The following PARD3B variants were observed in gnomAD, a reference collection of about 807,000 sequenced individuals.
PARD3B encodes the protein partitioning defective 3 homolog B.
A neutral mutation model predicts 130.2 loss-of-function variants in PARD3B; 103 were observed. The ratio of observed to expected loss-of-function variants is 0.79; its 90% confidence interval spans 0.67 to 0.93. The LOEUF is 0.93. PARD3B is among the 40% of genes least tolerant of loss of function. PARD3B has a pLI of 0.00. For missense variants in PARD3B, 1,609 were observed against 1,499.2 expected, an observed-to-expected ratio of 1.07 and a Z score of -1.21; for synonymous variants, 583 against 553.2, an observed-to-expected ratio of 1.05 and a Z score of -0.76.
chr2:205,012,954 C>A (rs1016634784), intron 3 of PARD3B, among the ~76,000 whole-genome samples: 1 of 152,168 alleles, frequency 6.6e-6, no homozygotes, highest in African/African-American at 2.4e-5. Context: ...AAACGAGTAA[C>A]CTTTAACTTA....
At chr2:205,559,865 C>G (rs2053065162) in intron 22 of PARD3B, among the ~76,000 whole-genome samples, 1 of 152,130 alleles carries the variant, frequency 6.6e-6, no homozygotes, top group Non-Finnish European at 1.5e-5. Flanking sequence ...TCCCAAAGTG[C>G]TAGGATTACA....
intron 21 of PARD3B, among the ~76,000 whole-genome samples, chr2:205,542,744 C>G (rs1360548775): frequency 6.6e-6 from 1 of 152,150 alleles, no homozygotes; most frequent in African/African-American, 2.4e-5. Context: ...TTATAGGAAT[C>G]TTTCCTCACG....
At chr2:205,046,049 C>A (rs897609515) in intron 3 of PARD3B, among the ~76,000 whole-genome samples, 88 of 152,016 alleles carry the variant, frequency 5.8e-4, no homozygotes, top group African/African-American at 2.1e-3. Context: ...GCCCCATTTT[C>A]TTAATTTTAA....
intron 22 of PARD3B, among the ~76,000 whole-genome samples, chr2:205,570,553 G>C (rs1021354050): frequency 7.2e-5 from 11 of 152,198 alleles, no homozygotes; most frequent in African/African-American, 2.2e-4. Context: ...ACACAGCACA[G>C]TGTGTATATA....
intron 3 of PARD3B, among the ~76,000 whole-genome samples, chr2:204,997,636 G>A (rs538625984): frequency 6.6e-6 from 1 of 151,450 alleles, no homozygotes; most frequent in Admixed American, 6.6e-5. Flanking sequence ...CTCTTTTAGG[G>A]GTTTTACACA....
intron 6 of PARD3B, among the ~76,000 whole-genome samples, chr2:205,114,969 C>T (rs1217051154): frequency 6.6e-6 from 1 of 152,056 alleles, no homozygotes; most frequent in Non-Finnish European, 1.5e-5. Flanking sequence ...ATGAGAAATT[C>T]TAATGACTTT....
chr2:205,255,453 T>C (rs554571737), intron 16 of PARD3B, among the ~76,000 whole-genome samples: 14 of 152,222 alleles, frequency 9.2e-5, no homozygotes, highest in Admixed American at 3.9e-4. Flanking sequence ...CAACTCGGTG[T>C]CCTATAATTC....
At chr2:205,408,871 G>A (rs900938024) in intron 19 of PARD3B, among the ~76,000 whole-genome samples, 10 of 152,060 alleles carry the variant, frequency 6.6e-5, no homozygotes, top group Non-Finnish European at 7.4e-5. Context: ...ATGATTCCCA[G>A]TTTTAATAGT....
chr2:204,917,720 A>G (rs1575300429), intron 2 of PARD3B, among the ~76,000 whole-genome samples: 1 of 152,228 alleles, frequency 6.6e-6, no homozygotes. Flanking sequence ...AGTGTAGCCA[A>G]CGACAAGTAT....
rs754109863 is a variant in PARD3B, at chr2:205,292,794, T to C, written c.2186-7736T>C. Among the ~76,000 whole-genome samples the C allele has an allele frequency of 6.6e-6, 1 of 152,204 alleles. No individual in the cohort carries two copies. The highest frequency in any genetic ancestry group is 1.5e-5 in the Non-Finnish European group (1 of 68,030). On this transcript the variant is annotated intron_variant, in intron 16 of 22. Coordinates refer to ENST00000406610, the MANE Select transcript of PARD3B (RefSeq NM_001302769.2). This position sits in a 1 kb window ranked among gnomAD's most constrained non-coding sequence, Gnocchi z 5.3. ...ACTTCACTTTGTACAGGAAAAAAAT[T>C]TAGTGAACTGTAAAGCCACAGAAAA...
Position 205,146,505 on chromosome 2 carries a change from T to A in PARD3B, c.1435-12217T>A, listed in dbSNP as rs191891706. 9.8e-3 allele frequency among the ~76,000 whole-genome samples: 1,490 copies of A among 151,770 alleles called. 19 individuals are homozygous for A. The highest frequency in any genetic ancestry group is 0.014 in the Non-Finnish European group (949 of 67,938). On this transcript the variant is annotated intron_variant, in intron 10 of 22. Transcript: ENST00000406610. This position sits in a 1 kb window ranked among gnomAD's most constrained non-coding sequence, Gnocchi z 4.3. Reference sequence around the variant, plus strand: ...TCTACTAAAAATACAAAAACATTTATCTGGGCGTGGTGGCGGGCGCCTGTA... The same window carrying A: ...TCTACTAAAAATACAAAAACATTTAACTGGGCGTGGTGGCGGGCGCCTGTA...
intron 18 of PARD3B, among the ~76,000 whole-genome samples, chr2:205,376,407 T>C (rs1455666035): frequency 4.3e-5 from 5 of 117,234 alleles, no homozygotes; most frequent in Admixed American, 1.5e-4. Context: ...AGCTGGCCCA[T>C]TACCCACCCC....
At chr2:205,363,855 T>G in intron 18 of PARD3B, among the ~76,000 whole-genome samples, 1 of 83,270 alleles carries the variant, frequency 1.2e-5, no homozygotes, top group Non-Finnish European at 2.9e-5. Context: ...TTTTTTTTTT[T>G]TTTTTTTCGC....
Position 205,615,852 on chromosome 2 carries a change from G to T in PARD3B, c.*39G>T. 6.6e-7 allele frequency: 1 copy of T among 1,524,684 alleles called. No homozygotes were observed. The highest frequency in any genetic ancestry group is 9.0e-7 in the Non-Finnish European group (1 of 1,116,290). 94.4% of individuals were successfully genotyped at this position (1,524,684 alleles called of 1,614,324 possible). ...AGGCCAGCCCGGTCCAGAAAGGAAG[G>T]TGTCTACTCTACCTTTGCCCTTTCT... On this transcript the variant is annotated 3_prime_UTR_variant, in exon 23 of 23. Transcript: ENST00000406610.
intron 2 of PARD3B, among the ~76,000 whole-genome samples, chr2:204,706,514 T>C (rs1463915470): frequency 6.6e-6 from 1 of 152,112 alleles, no homozygotes; most frequent in Non-Finnish European, 1.5e-5. Context: ...TGGGGTGTGG[T>C]GACCAGCCTA....
intron 18 of PARD3B, among the ~76,000 whole-genome samples, chr2:205,306,471 TTTTC>T: frequency 6.6e-6 from 1 of 152,346 alleles, no homozygotes; most frequent in East Asian, 1.9e-4. Context: ...ACATATCCCA[TTTTC>T]TAGAATATTA....
intron 2 of PARD3B, among the ~76,000 whole-genome samples, chr2:204,908,688 A>G (rs1195692441): frequency 6.6e-6 from 1 of 152,212 alleles, no homozygotes; most frequent in East Asian, 1.9e-4. Context: ...GCTTACTGTC[A>G]TCCTTGCATA....
At chr2:204,845,386 T>C (rs2125594733) in intron 2 of PARD3B, among the ~76,000 whole-genome samples, 1 of 152,310 alleles carries the variant, frequency 6.6e-6, no homozygotes, top group East Asian at 1.9e-4. Context: ...TTTTTAATAA[T>C]GCTTATAAAA....
chr2:204,934,652 A>G (rs1242588802), intron 2 of PARD3B, among the ~76,000 whole-genome samples: 5 of 152,112 alleles, frequency 3.3e-5, no homozygotes, highest in African/African-American at 1.2e-4. Context: ...CCTATTTTCC[A>G]GACCTTTTTT....
Sources: allele counts gnomAD v4.1 joint callset (sites outside exome capture counted in the v4.1 genomes callset), GRCh38; gene constraint gnomAD v4.1.1; non-coding constraint Gnocchi (gnomAD v3.1); transcripts MANE v1.5; gene names NCBI Gene and HGNC (gene_info 2026-07-23, HGNC 2026-07-21).